NWD2: variants seen among roughly 807,000 people sequenced by gnomAD.
NWD2 encodes the protein NACHT and WD repeat domain containing 2, also known as NACHT and WD repeat domain-containing protein 2.
In NWD2, 37 loss-of-function variants were observed where a neutral mutation model predicts 132.7. That is an observed-to-expected ratio of 0.28 (90% CI 0.21 to 0.37). The LOEUF (loss-of-function observed/expected upper bound fraction) is 0.37. Among genes scored for constraint, NWD2 ranks in the 10% least tolerant of loss-of-function variants. The probability of loss-of-function intolerance (pLI) is 1.00; values close to 1 mark genes in which losing one functional copy is unlikely to be tolerated. For missense variants in NWD2, 1,592 were observed against 2,122.4 expected (o/e 0.75, Z 4.91); for synonymous variants, 705 against 803.0 (o/e 0.88, Z 2.06).
chr4:37,394,818 T>TG lies in NWD2; in HGVS notation c.358-35754_358-35753insG, dbSNP rs1560411817. On this transcript the variant is annotated intron_variant, in intron 3 of 6. Transcript: ENST00000309447. The stretch of plus-strand genomic sequence containing the variant: ...TTTATGGTTTTTTTTTTTTTTTTTT[T>TG]TTTTTTTTTTGAGGCAGAGCCTCCC... 1.6e-4 allele frequency among the ~76,000 whole-genome samples: 21 copies of TG among 129,310 alleles called. 2 individuals are homozygous for TG. The highest frequency in any genetic ancestry group is 5.5e-4 in the Admixed American group (7 of 12,786). The allele number at this position is 129,310 out of a possible 152,430, so 84.8% of individuals were successfully genotyped here. A position where few individuals can be genotyped will look rare whatever the true frequency, so the allele number is the denominator to read the frequency against.
chr4:37,341,745 A>G (rs939104064), intron 2 of NWD2, among the ~76,000 whole-genome samples: 1 of 152,208 alleles, frequency 6.6e-6, no homozygotes, highest in African/African-American at 2.4e-5. Context: ...TCAGATTTTC[A>G]TCCGTAAAAC....
chr4:37,284,572 G>T (rs1418032145), intron 1 of NWD2, among the ~76,000 whole-genome samples: 1 of 152,190 alleles, frequency 6.6e-6, no homozygotes, highest in Admixed American at 6.5e-5. Context: ...TCAGCCTAGG[G>T]TGACACCATG....
intron 3 of NWD2, among the ~76,000 whole-genome samples, chr4:37,414,099 A>G (rs1283578991): frequency 2.0e-5 from 3 of 152,168 alleles, no homozygotes; most frequent in Non-Finnish European, 2.9e-5. Context: ...CTCCACATGT[A>G]TCCTAGAACA....
intron 3 of NWD2, among the ~76,000 whole-genome samples, chr4:37,373,049 T>C (rs74866870): frequency 0.098 from 14,905 of 152,260 alleles, 1,031 homozygotes; most frequent in Admixed American, 0.19. Context: ...GGAGTTAAAA[T>C]AAGATTCACA....
intron 3 of NWD2, among the ~76,000 whole-genome samples, chr4:37,424,178 C>T (rs962170185): frequency 3.3e-5 from 5 of 152,142 alleles, no homozygotes; most frequent in African/African-American, 1.2e-4. Context: ...GAACAGTGCC[C>T]CATGGAGTTC....
At chr4:37,340,687 G>T (rs1021470777) in intron 2 of NWD2, among the ~76,000 whole-genome samples, 7 of 152,160 alleles carry the variant, frequency 4.6e-5, no homozygotes, top group Non-Finnish European at 1.0e-4. Flanking sequence ...GAGATGGCTA[G>T]GTTAAAAGAA....
Position 37,446,567 on chromosome 4 carries a change from C to G in NWD2, c.4579C>G (p.Leu1527Val), listed in dbSNP as rs557580112. The G allele has an allele frequency of 1.9e-6, 3 of 1,551,740 alleles. No homozygotes were observed. The African/African-American group carries it at 4.1e-5, about 21-fold the overall frequency. The change falls in exon 7 of 7, where the codon CTG becomes GTG. Residue 1527 changes from leucine to valine, a missense_variant. Transcript: ENST00000309447. This position sits in a 1 kb window ranked among gnomAD's most constrained non-coding sequence, Gnocchi z 6.7. ...ACTTCCAAACAACTTCTTGAAAAATCTGGAGGACTTTGAAATTTCTCCCAA... is the reference window on the plus strand; with the variant it reads ...ACTTCCAAACAACTTCTTGAAAAATGTGGAGGACTTTGAAATTTCTCCCAA... ...VQLPNNFLKN[L>V]EDFEISPNGK... is the part of the protein sequence containing the mutation.
intron 1 of NWD2, among the ~76,000 whole-genome samples, chr4:37,310,060 A>G (rs1718799171): frequency 6.6e-6 from 1 of 152,066 alleles, no homozygotes; most frequent in African/African-American, 2.4e-5. Context: ...TTCCTGTTAG[A>G]AAAAAAATCC....
At chr4:37,406,366 G>A (rs1011592882) in intron 3 of NWD2, among the ~76,000 whole-genome samples, 6 of 152,102 alleles carry the variant, frequency 3.9e-5, no homozygotes, top group Non-Finnish European at 8.8e-5. Flanking sequence ...AGCACCATCT[G>A]TCAAGAATTC....
At chr4:37,358,936 A>G (rs765981643) in intron 3 of NWD2, among the ~76,000 whole-genome samples, 11 of 152,192 alleles carry the variant, frequency 7.2e-5, no homozygotes, top group Admixed American at 2.6e-4. Context: ...GTTAGGCCAG[A>G]TTCCATTATG....
intron 3 of NWD2, among the ~76,000 whole-genome samples, chr4:37,387,474 C>T (rs1720586087): frequency 6.6e-6 from 1 of 151,756 alleles, no homozygotes; most frequent in Non-Finnish European, 1.5e-5. Context: ...CTGGTTCATT[C>T]CTGCAATCAA....
In NWD2 at chr4:37,439,518, T is replaced by C. The variant is rs1712424244; in HGVS notation, c.1296+128T>C. The C allele has an allele frequency of 8.0e-6, 5 of 625,826 alleles. No homozygotes were observed. Among genetic ancestry groups the C allele is most frequent in the Non-Finnish European group, 7.8e-6 (3 of 383,638 alleles). 38.8% of individuals were successfully genotyped at this position (625,826 alleles called of 1,614,324 possible). A position where few individuals can be genotyped will look rare whatever the true frequency, so the allele number is the denominator to read the frequency against. On this transcript the variant is annotated intron_variant, in intron 6 of 6. Transcript: ENST00000309447. This position sits in a 1 kb window ranked among gnomAD's most constrained non-coding sequence, Gnocchi z 4.5. ...TTATAGTTGGTCTTTTAGGAGTGAA[T>C]ACTGCAGTGCTTCTTTTTTGCTGGT...
intron 3 of NWD2, among the ~76,000 whole-genome samples, chr4:37,381,455 G>T (rs912450091): frequency 1.3e-5 from 2 of 152,166 alleles, no homozygotes; most frequent in African/African-American, 2.4e-5. Flanking sequence ...TTATCCCTCT[G>T]TATGGCTGCC....
intron 1 of NWD2, among the ~76,000 whole-genome samples, chr4:37,252,792 GAA>G (rs1233897662): frequency 6.6e-6 from 1 of 152,172 alleles, no homozygotes; most frequent in Non-Finnish European, 1.5e-5. Context: ...CTTCCTCAGA[GAA>G]AGGAAATGGA....
At chr4:37,320,573 T>A (rs1033444469) in intron 1 of NWD2, among the ~76,000 whole-genome samples, 3 of 152,080 alleles carry the variant, frequency 2.0e-5, no homozygotes, top group Non-Finnish European at 4.4e-5. Flanking sequence ...TTTGCTCACA[T>A]TGATATAAGG....
chr4:37,381,567 C>T (rs1376373771), intron 3 of NWD2, among the ~76,000 whole-genome samples: 1 of 152,200 alleles, frequency 6.6e-6, no homozygotes, highest in Non-Finnish European at 1.5e-5. Flanking sequence ...GGCATCCTCC[C>T]TTGGCTGTGT....
At chr4:37,330,601 T>C (rs953873500) in intron 2 of NWD2, among the ~76,000 whole-genome samples, 1 of 152,212 alleles carries the variant, frequency 6.6e-6, no homozygotes, top group African/African-American at 2.4e-5. Flanking sequence ...AAAAATGGGA[T>C]GAACAAAAGC....
chr4:37,256,523 T>C (rs1403753766), intron 1 of NWD2, among the ~76,000 whole-genome samples: 1 of 152,144 alleles, frequency 6.6e-6, no homozygotes, highest in African/African-American at 2.4e-5. Flanking sequence ...TTGATGATAT[T>C]CTAGAAGACT....
intron 3 of NWD2, among the ~76,000 whole-genome samples, chr4:37,426,165 A>G (rs923026458): frequency 2.6e-5 from 4 of 152,238 alleles, no homozygotes; most frequent in African/African-American, 9.6e-5. Flanking sequence ...AACCAAAAAT[A>G]TCTTACTGAA....
Sources: allele counts gnomAD v4.1 joint callset (sites outside exome capture counted in the v4.1 genomes callset), GRCh38; gene constraint gnomAD v4.1.1; non-coding constraint Gnocchi (gnomAD v3.1); transcripts MANE v1.5; gene names NCBI Gene and HGNC (gene_info 2026-07-23, HGNC 2026-07-21).